CACNA1D: variants seen among roughly 807,000 people sequenced by gnomAD.
The protein encoded by CACNA1D is calcium voltage-gated channel subunit alpha1 D.
A neutral mutation model predicts 257.1 loss-of-function variants in CACNA1D; 55 were observed. The ratio of observed to expected loss-of-function variants is 0.21; its 90% CI spans 0.17 to 0.27. The LOEUF (loss-of-function observed/expected upper bound fraction) is 0.27. Ranked by LOEUF, CACNA1D falls within the 10% of genes least tolerant of loss-of-function variation. The pLI is 1.00. For missense variants in CACNA1D, 1,876 were observed against 2,784.0 expected (o/e 0.67, Z 7.34); for synonymous variants, 980 against 1,014.9 (o/e 0.97, Z 0.65).
At chr3:53,562,444 A>G (rs2092756579) in intron 3 of CACNA1D, among the ~76,000 whole-genome samples, 1 of 152,218 alleles carries the variant, frequency 6.6e-6, no homozygotes, top group African/African-American at 2.4e-5. Flanking sequence ...TTTTTTATTA[A>G]TCCATTTGGT....
At chr3:53,712,657 C>G (rs1013415792) in intron 9 of CACNA1D, among the ~76,000 whole-genome samples, 1 of 152,090 alleles carries the variant, frequency 6.6e-6, no homozygotes, top group African/African-American at 2.4e-5. Context: ...GGTACCCTGT[C>G]CCCTAGGAAG....
chr3:53,551,025 C>T (rs1045294548), intron 3 of CACNA1D, among the ~76,000 whole-genome samples: 1 of 152,136 alleles, frequency 6.6e-6, no homozygotes, highest in Non-Finnish European at 1.5e-5. Context: ...TTCTTTAAAG[C>T]TCCATTTTTG....
intron 3 of CACNA1D, among the ~76,000 whole-genome samples, chr3:53,644,730 T>A (rs2094001375): frequency 6.6e-6 from 1 of 152,226 alleles, no homozygotes; most frequent in African/African-American, 2.4e-5. Context: ...TTGATGAACA[T>A]GGAGGTTAAT....
At chr3:53,563,909 G>A (rs1559846876) in intron 3 of CACNA1D, among the ~76,000 whole-genome samples, 1 of 152,128 alleles carries the variant, frequency 6.6e-6, no homozygotes, top group Non-Finnish European at 1.5e-5. Context: ...AAATTTCAGG[G>A]TCCTATTGTG....
Position 53,775,110 on chromosome 3 carries a change from T to C in CACNA1D, c.4202+432T>C, listed in dbSNP as rs370228457. On this transcript the variant is annotated intron_variant, in intron 34 of 47. Transcript: ENST00000350061. ...TTTTTGGGATTGCTTTTAACGTCAG[T>C]TAATTAACTTTGTAAAACAAGCTGC... 2.6e-4 allele frequency among the ~76,000 whole-genome samples: 39 copies of C among 152,332 alleles called. No homozygotes were observed. In the South Asian group the frequency reaches 3.5e-3, roughly 14 times the overall value.
At chr3:53,586,435 C>T (rs1369856104) in intron 3 of CACNA1D, among the ~76,000 whole-genome samples, 1 of 146,168 alleles carries the variant, frequency 6.8e-6, no homozygotes, top group Non-Finnish European at 1.5e-5. Flanking sequence ...AACAAGTCCT[C>T]ACCTATTTTT....
chr3:53,702,475 ACT>A (rs2094636541), intron 8 of CACNA1D, among the ~76,000 whole-genome samples, 164 bp from the exon 9 acceptor site: 1 of 152,170 alleles, frequency 6.6e-6, no homozygotes, highest in African/African-American at 2.4e-5. Context: ...TTTGGAAGAC[ACT>A]GTCTTCTGTC....
At chr3:53,728,654 A>G (rs1364444859) in intron 15 of CACNA1D, among the ~76,000 whole-genome samples, 3 of 152,230 alleles carry the variant, frequency 2.0e-5, no homozygotes, top group Non-Finnish European at 1.5e-5. Context: ...GAATCTGCAG[A>G]GAAGTATTCC....
At position 53,801,038 on chromosome 3, in the gene CACNA1D, T is replaced by C; in HGVS notation, c.5041-20T>C. On this transcript the variant is annotated intron_variant, in intron 41 of 47. Transcript: ENST00000350061. Reference sequence around the variant, plus strand: ...AAATACTTGTTAAATTACCTGGTGTTGTCTCCCATTATTTTGCAGAGAAAT... The same window carrying C: ...AAATACTTGTTAAATTACCTGGTGTCGTCTCCCATTATTTTGCAGAGAAAT... The C allele has an allele frequency of 6.2e-7, 1 of 1,613,208 alleles. No homozygotes were observed. The highest frequency in any genetic ancestry group is 8.5e-7 in the Non-Finnish European group (1 of 1,179,164).
chr3:53,695,969 TTTGA>T (rs2094569716), intron 8 of CACNA1D, among the ~76,000 whole-genome samples: 1 of 152,094 alleles, frequency 6.6e-6, no homozygotes, highest in South Asian at 2.1e-4. Context: ...TTTTTGTTTG[TTTGA>T]TTGTTTTTGA....
At chr3:53,733,182 G>A (rs566525375) in intron 19 of CACNA1D, among the ~76,000 whole-genome samples, 48 of 152,306 alleles carry the variant, frequency 3.2e-4, no homozygotes, top group Non-Finnish European at 6.2e-4. Flanking sequence ...TCCCACAGGG[G>A]TGTGGCCAGG....
intron 9 of CACNA1D, among the ~76,000 whole-genome samples, chr3:53,708,376 A>T (rs28675949): frequency 0.17 from 26,024 of 152,248 alleles, 2,567 homozygotes; most frequent in Non-Finnish European, 0.23. Flanking sequence ...AAGAGCCCTC[A>T]CTGGAGAGGC....
chr3:53,677,748 C>A (rs1483458297), intron 8 of CACNA1D, among the ~76,000 whole-genome samples: 1 of 152,180 alleles, frequency 6.6e-6, no homozygotes, highest in African/African-American at 2.4e-5. Context: ...TTTTTTTGCA[C>A]AAATTGAGGG....
rs2095599210 is a variant in CACNA1D at position 53,811,192 on chromosome 3, C to T, written c.6272C>T (p.Ala2091Val). 4.3e-6 allele frequency: 7 copies of T among 1,613,908 alleles called. No individual in the cohort carries two copies. The highest frequency in any genetic ancestry group is 1.1e-5 in the South Asian group (1 of 91,082). Residue 2091 changes from alanine (A) to valine (V), a missense_variant, in exon 48 of 48, where the codon GCC becomes GTC. Physicochemically the swap from Ala to Val is moderately conservative, Grantham distance 64. This residue lies in a region of CACNA1D where 491 missense variants were observed against 554.3 expected (regional missense o/e 0.89). Transcript: ENST00000350061. The surrounding 1 kb of genome is among the most constrained non-coding windows in gnomAD (Gnocchi z 4.2). ...VSATKHEIAD[A>V]CDLTIDEMES... is the part of the protein sequence containing the mutation. ...GCAACAAAACACGAAATCGCTGATG[C>T]CTGTGACCTCACCATCGACGAGATG...
At chr3:53,722,228 A>G (rs1488091348) in intron 11 of CACNA1D, 86 bp from the exon 12 acceptor site, 27 of 1,510,860 alleles carry the variant, frequency 1.8e-5, no homozygotes, top group Non-Finnish European at 2.3e-5. Context: ...CTCCAGAGTG[A>G]AAGCCAAATT....
At chr3:53,775,342 TG>T (rs2095391049) in intron 34 of CACNA1D, among the ~76,000 whole-genome samples, 1 of 152,108 alleles carries the variant, frequency 6.6e-6, no homozygotes, top group Non-Finnish European at 1.5e-5. Context: ...TTTGGGAAGC[TG>T]AGGTGGGTGG....
intron 4 of CACNA1D, 87 bp from the exon 5 acceptor site, chr3:53,660,046 C>G: frequency 8.0e-7 from 1 of 1,255,486 alleles, no homozygotes; most frequent in South Asian, 1.2e-5. Context: ...AGAATTAGCC[C>G]TTTTCAAAAA....
At chr3:53,519,243 T>G (rs1441515750) in intron 3 of CACNA1D, among the ~76,000 whole-genome samples, 7 of 152,224 alleles carry the variant, frequency 4.6e-5, no homozygotes, top group African/African-American at 1.7e-4. Context: ...TCAGGTTATT[T>G]ACAGAAGTAG....
At chr3:53,571,170 A>G (rs2092936109) in intron 3 of CACNA1D, among the ~76,000 whole-genome samples, 1 of 152,066 alleles carries the variant, frequency 6.6e-6, no homozygotes, top group East Asian at 1.9e-4. Context: ...TGTTGTGGGG[A>G]AGTATCTGAA....
Sources: gnomAD v4.1 joint callset for allele counts (sites outside exome capture counted in the v4.1 genomes callset) on GRCh38, gnomAD v4.1.1 for gene constraint, gnomAD v4.1.1 regional missense constraint, Gnocchi (gnomAD v3.1) non-coding constraint, MANE v1.5 for transcripts, NCBI Gene and HGNC (gene_info 2026-07-23, HGNC 2026-07-21) for gene names.